The following DIP2C variants were observed in gnomAD, a reference collection of about 807,000 sequenced individuals.
DIP2C encodes the protein DIP2 acetate--CoA ligase C (putative), also known as disco-interacting protein 2 homolog C.
In DIP2C, 33 loss-of-function variants were observed where a neutral mutation model predicts 192.4. The observed-to-expected ratio is 0.17, with a 90% CI of 0.13 to 0.23. DIP2C has a LOEUF of 0.23. DIP2C is among the 10% of genes least tolerant of loss of function. DIP2C has a pLI of 1.00. For missense variants in DIP2C, 1,537 were observed against 2,110.1 expected, an observed-to-expected ratio of 0.73 and a Z score of 5.32; for synonymous variants, 979 against 864.1, an observed-to-expected ratio of 1.13 and a Z score of -2.33.
chr10:278,189 G>T (rs557856103), intron 36 of DIP2C, among the ~76,000 whole-genome samples: 2 of 151,900 alleles, frequency 1.3e-5, no homozygotes, highest in Non-Finnish European at 2.9e-5. Flanking sequence ...TGGACGCCTA[G>T]GGCATGGGTG....
intron 22 of DIP2C, 129 bp from the exon 23 acceptor site, chr10:358,066 AAGAAC>A: frequency 1.6e-6 from 1 of 608,500 alleles, no homozygotes; most frequent in South Asian, 2.2e-5. Flanking sequence ...TAAACCTTCT[AAGAAC>A]AGAGATTCAA....
chr10:350,318 C>G (rs1388965612), intron 24 of DIP2C, among the ~76,000 whole-genome samples: 2 of 152,152 alleles, frequency 1.3e-5, no homozygotes, highest in East Asian at 3.9e-4. Context: ...AACTCGTGGC[C>G]TCAAGTGATC....
chr10:634,756 A>C (rs1269466268), intron 1 of DIP2C, among the ~76,000 whole-genome samples: 1 of 151,896 alleles, frequency 6.6e-6, no homozygotes, highest in Admixed American at 6.6e-5. Flanking sequence ...CATCTCAAAA[A>C]TAAAAAAAAA....
chr10:477,895 G>A (rs1033202676), intron 2 of DIP2C, among the ~76,000 whole-genome samples: 2 of 124,812 alleles, frequency 1.6e-5, no homozygotes, highest in African/African-American at 3.2e-5. Context: ...AGAAGAAAAG[G>A]AAAAGAGAGG....
intron 9 of DIP2C, among the ~76,000 whole-genome samples, chr10:401,009 T>A (rs1380640091): frequency 7.7e-6 from 1 of 130,236 alleles, no homozygotes; most frequent in Non-Finnish European, 1.6e-5. Context: ...AGCACATGAA[T>A]CCTGTGATTT....
chr10:480,272 C>A (rs1434974732), intron 2 of DIP2C, among the ~76,000 whole-genome samples: 2 of 148,732 alleles, frequency 1.3e-5, no homozygotes, highest in Admixed American at 1.3e-4. Flanking sequence ...AGCCTGAGCT[C>A]CGGGGTCCAT....
At chr10:633,735 A>C (rs376900696) in intron 1 of DIP2C, among the ~76,000 whole-genome samples, 308 of 151,916 alleles carry the variant, frequency 2.0e-3, no homozygotes, top group African/African-American at 5.3e-3. Context: ...AGGAGGAAAA[A>C]CTCCCTCCAC....
chr10:376,546 C>T (rs74114535), intron 17 of DIP2C, among the ~76,000 whole-genome samples: 41 of 139,246 alleles, frequency 2.9e-4, no homozygotes, highest in Admixed American at 2.3e-4. Context: ...GCCAGAACCC[C>T]GAGGAAGTGT....
intron 17 of DIP2C, among the ~76,000 whole-genome samples, chr10:376,732 C>G (rs1210499123): frequency 6.6e-6 from 1 of 152,112 alleles, no homozygotes; most frequent in Non-Finnish European, 1.5e-5. Context: ...CTGGGCCACT[C>G]TTTTTCACAG....
At chr10:384,472 A>T in intron 15 of DIP2C, 74 bp downstream of exon 15, 2 of 1,460,720 alleles carry the variant, frequency 1.4e-6, no homozygotes, top group South Asian at 2.3e-5. Flanking sequence ...TCCTGACCTC[A>T]GGTGATCCAC....
chr10:630,869 AG>A (rs1273992163), intron 1 of DIP2C: 2 of 152,310 alleles, frequency 1.3e-5, no homozygotes, highest in Admixed American at 1.3e-4. Context: ...CGTCTGGCAC[AG>A]GCAACGGCAG....
chr10:414,739 G>GTGTCTATATATATATA, intron 7 of DIP2C, among the ~76,000 whole-genome samples: 3 of 90,504 alleles, frequency 3.3e-5, no homozygotes, highest in South Asian at 4.0e-4. Context: ...GTGTGTGTGT[G>GTGTCTATATATATATA]TACATATATA....
At chr10:661,999 C>T in intron 1 of DIP2C, 1 of 712,262 alleles carries the variant, frequency 1.4e-6, no homozygotes, top group Non-Finnish European at 2.6e-6. Context: ...CTTCTCTCCT[C>T]CTCTCGCCAT....
intron 1 of DIP2C, among the ~76,000 whole-genome samples, chr10:671,825 CGCCACAGACGCACGGAAGGAGGAAACAG>C (rs1830659729): frequency 7.9e-6 from 1 of 126,562 alleles, no homozygotes; most frequent in Non-Finnish European, 1.7e-5. Context: ...ACGGAGGAAA[CGCCACAGACGCACGGAAGGAGGAAACAG>C]GCCACAGACA....
At chr10:338,405 A>G (rs1187788582) in intron 29 of DIP2C, among the ~76,000 whole-genome samples, 1 of 148,572 alleles carries the variant, frequency 6.7e-6, no homozygotes, top group East Asian at 1.9e-4. Flanking sequence ...AGCTCCAGTC[A>G]TGGGAAATGC....
At chr10:563,770 G>A (rs1849330444) in intron 1 of DIP2C, among the ~76,000 whole-genome samples, 2 of 152,200 alleles carry the variant, frequency 1.3e-5, no homozygotes, top group Admixed American at 1.3e-4. Context: ...GGTGAGAATG[G>A]TTGCTTAACA....
chr10:481,487 T>C (rs1843603948), intron 2 of DIP2C, among the ~76,000 whole-genome samples: 1 of 152,104 alleles, frequency 6.6e-6, no homozygotes, highest in Non-Finnish European at 1.5e-5. Context: ...TGTGATCCAG[T>C]CACAGGATCA....
intron 9 of DIP2C, among the ~76,000 whole-genome samples, chr10:401,968 AG>A (rs1009856428): frequency 2.7e-5 from 4 of 147,160 alleles, no homozygotes; most frequent in African/African-American, 1.0e-4. Context: ...TGTGTTCCTC[AG>A]CACATAAATC....
intron 1 of DIP2C, among the ~76,000 whole-genome samples, chr10:604,018 CCACCCCCCAGCCCTGCCCTCAGCCCCA>C: frequency 6.7e-6 from 1 of 148,658 alleles, no homozygotes; most frequent in Admixed American, 6.7e-5. Context: ...CAACACCACC[CCACCCCCCAGCCCTGCCCTCAGCCCCA>C]CACCCCCTCT....
Sources: allele counts gnomAD v4.1 joint callset (sites outside exome capture counted in the v4.1 genomes callset), GRCh38; gene constraint gnomAD v4.1.1; transcripts MANE v1.5; gene names NCBI Gene and HGNC (gene_info 2026-07-23, HGNC 2026-07-21).